Variants in NRDC observed in about 807,000 individuals in gnomAD.
The protein encoded by NRDC is nardilysin convertase.
A neutral mutation model predicts 147.1 loss-of-function variants in NRDC; 54 were observed. The observed-to-expected ratio is 0.37, with a 90% confidence interval of 0.29 to 0.46. NRDC has a LOEUF of 0.46. Ranked by LOEUF, NRDC falls within the 20% of genes least tolerant of loss-of-function variation. NRDC has a pLI of 1.00. For missense variants in NRDC, 1,082 were observed against 1,370.6 expected (o/e 0.79, Z 3.33); for synonymous variants, 440 against 482.1 (o/e 0.91, Z 1.14).
chr1:51,868,650 G>A (rs1682936339), intron 1 of NRDC, among the ~76,000 whole-genome samples: 1 of 152,104 alleles, frequency 6.6e-6, no homozygotes, highest in South Asian at 2.1e-4. Flanking sequence ...AAGGCAGGAG[G>A]ATCACTTGAC....
intron 2 of NRDC, chr1:51,837,431 C>T (rs1195327705): frequency 7.1e-7 from 1 of 1,411,460 alleles, no homozygotes; most frequent in African/African-American, 1.4e-5. Flanking sequence ...TGGGGAATAT[C>T]CAGTTCTTCA....
At chr1:51,823,564 A>G (rs922718238) in intron 7 of NRDC, 100 bp downstream of exon 7, 1 of 801,110 alleles carries the variant, frequency 1.2e-6, no homozygotes, top group African/African-American at 1.8e-5. Context: ...AAGGTCAAGC[A>G]CTAAAGTAAT....
chr1:51,870,708 G>A (rs1683041448), intron 1 of NRDC, among the ~76,000 whole-genome samples: 1 of 151,466 alleles, frequency 6.6e-6, no homozygotes, highest in Non-Finnish European at 1.5e-5. Flanking sequence ...AGCCTCTCTG[G>A]GTATGTTCTT....
chr1:51,835,211 G>A (rs919532332), intron 3 of NRDC, among the ~76,000 whole-genome samples: 6 of 151,824 alleles, frequency 4.0e-5, no homozygotes, highest in Admixed American at 3.3e-4. Flanking sequence ...CTAGGTGTGC[G>A]CCACCATGCC....
At chr1:51,873,225 T>G (rs1683164980) in intron 1 of NRDC, among the ~76,000 whole-genome samples, 1 of 152,174 alleles carries the variant, frequency 6.6e-6, no homozygotes, top group African/African-American at 2.4e-5. Context: ...TACCTCAGAT[T>G]TGTATAAGGC....
chr1:51,792,485 A>G (rs1678702793), intron 24 of NRDC, 61 bp from the exon 25 acceptor site: 1 of 1,532,874 alleles, frequency 6.5e-7, no homozygotes, highest in East Asian at 2.2e-5. Flanking sequence ...CTTTTAAATA[A>G]TCCAGCTATT....
At chr1:51,800,195 G>C (rs1038147989) in intron 21 of NRDC, among the ~76,000 whole-genome samples, 2 of 152,096 alleles carry the variant, frequency 1.3e-5, no homozygotes, top group Non-Finnish European at 2.9e-5. Context: ...GGCTAGTCTT[G>C]AACTTCTAGG....
At chr1:51,818,346 A>C (rs2747525) in intron 9 of NRDC, among the ~76,000 whole-genome samples, 88,679 of 151,960 alleles carry the variant, frequency 0.58, 26,938 homozygotes, top group East Asian at 0.93. Flanking sequence ...TAGAGAAAGC[A>C]GGGATAAAAG....
chr1:51,878,639 A>C lies in NRDC; in HGVS notation c.-24T>G, dbSNP rs1376610634. Reference sequence around the variant, plus strand: ...ATTCACCACCAAGCTGGAGCGATGGACATCCCGCTTCCCAGGACCCACCTC... The same window carrying C: ...ATTCACCACCAAGCTGGAGCGATGGCCATCCCGCTTCCCAGGACCCACCTC... On this transcript the variant is annotated 5_prime_UTR_variant, in exon 1 of 31. Coordinates refer to ENST00000352171, the MANE Select transcript of NRDC (RefSeq NM_001101662.2). The C allele has an allele frequency of 5.0e-6, 8 of 1,585,498 alleles. No homozygotes were observed. The highest frequency in any genetic ancestry group is 1.8e-5 in the Admixed American group (1 of 56,006).
Position 51,810,282 on chromosome 1 carries a change from T to G in NRDC, c.1902A>C (p.Glu634Asp). The G allele has an allele frequency of 6.3e-7, 1 of 1,597,344 alleles. No homozygotes were observed. The highest frequency in any genetic ancestry group is 8.6e-7 in the Non-Finnish European group (1 of 1,168,486). ...AAGACAATTGTTAAAATATTTTACC[T>G]TCTATACTATATTGAGTTCCAAACC... ...EKWFGTQYSI[E>D]DIENSWAELW... is the part of the protein sequence containing the mutation. The change falls in exon 16 of 31, where the codon GAA (glutamate) becomes GAC (aspartate). Residue 634 changes from glutamate (E) to aspartate (D), a missense_variant and splice_region_variant. By Grantham distance (45) the Glu-to-Asp change is conservative. Around this residue, in one of 3 missense-constraint regions of NRDC, gnomAD observed 635 missense variants for 923.8 expected, o/e 0.69. Coordinates refer to ENST00000352171, the MANE Select transcript of NRDC (RefSeq NM_001101662.2).
chr1:51,825,185 C>G, intron 6 of NRDC, 102 bp downstream of exon 6: 5 of 782,358 alleles, frequency 6.4e-6, no homozygotes. Context: ...GTAAAAGGTA[C>G]CTAGGGACTC....
chr1:51,837,407 C>G (rs755529150), intron 2 of NRDC: 1 of 1,309,808 alleles, frequency 7.6e-7, no homozygotes, highest in Non-Finnish European at 1.0e-6. Context: ...GGCACATAAA[C>G]TCAGTTAAAA....
intron 1 of NRDC, among the ~76,000 whole-genome samples, chr1:51,845,325 G>A (rs1681500065): frequency 6.6e-6 from 1 of 152,134 alleles, no homozygotes; most frequent in African/African-American, 2.4e-5. Context: ...GGCCGCAGTG[G>A]CTCACACCCG....
At position 51,878,640 on chromosome 1, in the gene NRDC, C is replaced by T; in HGVS notation, c.-25G>A. 1 of 1,582,102 alleles carries T rather than the reference C, an allele frequency of 6.3e-7. No individual in the cohort carries two copies. Among genetic ancestry groups the T allele is most frequent in the East Asian group, 2.3e-5 (1 of 43,890 alleles). On this transcript the variant is annotated 5_prime_UTR_variant, in exon 1 of 31. An upstream start codon of the reference 5' UTR is lost. Coordinates refer to ENST00000352171, the MANE Select transcript of NRDC (RefSeq NM_001101662.2). Reference sequence around the variant, plus strand: ...TTCACCACCAAGCTGGAGCGATGGACATCCCGCTTCCCAGGACCCACCTCC... The same window carrying T: ...TTCACCACCAAGCTGGAGCGATGGATATCCCGCTTCCCAGGACCCACCTCC...
At chr1:51,869,899 G>A (rs756981284) in intron 1 of NRDC, among the ~76,000 whole-genome samples, 4 of 152,016 alleles carry the variant, frequency 2.6e-5, no homozygotes, top group Admixed American at 6.6e-5. Flanking sequence ...TTTAAAACTG[G>A]CCAAAATACA....
intron 11 of NRDC, 128 bp downstream of exon 11, chr1:51,816,184 T>A (rs754839830): frequency 7.0e-6 from 3 of 431,570 alleles, no homozygotes; most frequent in Non-Finnish European, 8.1e-6. Flanking sequence ...AAAATAACTA[T>A]AATTAAGCAT....
At chr1:51,872,546 G>C (rs1185540735) in intron 1 of NRDC, among the ~76,000 whole-genome samples, 2 of 152,004 alleles carry the variant, frequency 1.3e-5, no homozygotes, top group Non-Finnish European at 2.9e-5. Flanking sequence ...TACAAAAAAG[G>C]ACAAAAATTA....
At chr1:51,874,598 G>C (rs748608532) in intron 1 of NRDC, among the ~76,000 whole-genome samples, 2 of 152,088 alleles carry the variant, frequency 1.3e-5, no homozygotes, top group African/African-American at 2.4e-5. Flanking sequence ...TACAAAGTGA[G>C]ACCCTGCCTC....
rs145797520 is a variant in NRDC, at chr1:51,789,230, GTTTA to G, written c.*2_*5del. 2.3e-3 allele frequency: 3,749 copies of G among 1,613,146 alleles called. 66 individuals carry two copies. In the African/African-American group the frequency reaches 0.045, roughly 19 times the overall value. Reference sequence around the variant, plus strand: ...ATTGCTTCAGGCCAACGTGACTGCAGTTTATTTATTTGACTATTTTATGGTAGGG... The same window carrying G: ...ATTGCTTCAGGCCAACGTGACTGCAGTTTATTTGACTATTTTATGGTAGGG... On this transcript the variant is annotated 3_prime_UTR_variant, in exon 31 of 31. Coordinates refer to ENST00000352171, the MANE Select transcript of NRDC (RefSeq NM_001101662.2).
Sources: allele counts gnomAD v4.1 joint callset (sites outside exome capture counted in the v4.1 genomes callset), GRCh38; gene constraint gnomAD v4.1.1; regional missense constraint gnomAD v4.1.1; transcripts MANE v1.5; gene names NCBI Gene and HGNC (gene_info 2026-07-23, HGNC 2026-07-21).